The following AMOT variants were observed in gnomAD, a reference collection of about 807,000 sequenced individuals.
AMOT encodes the protein angiomotin.
AMOT carries 11 observed loss-of-function variants against 67.0 expected under a neutral mutation model. The ratio of observed to expected loss-of-function variants is 0.16; its 90% confidence interval spans 0.10 to 0.27. The LOEUF is 0.27. Ranked by LOEUF, AMOT falls within the 10% of genes least tolerant of loss-of-function variation. The pLI is 1.00. For synonymous variants in AMOT, 326 were observed against 321.4 expected, an observed-to-expected ratio of 1.01 and a Z score of -0.15; for missense variants, 753 against 852.0, an observed-to-expected ratio of 0.88 and a Z score of 1.45.
intron 2 of AMOT, among the ~76,000 whole-genome samples, chrX:112,828,818 C>A (rs1433920811): frequency 8.9e-6 from 1 of 112,300 alleles, no homozygotes; most frequent in African/African-American, 3.2e-5. Context: ...TGCTTAATAA[C>A]TATTTATTAC....
At position 112,776,810 on chromosome X, in the gene AMOT, C is replaced by A. The variant is rs1932950917; in HGVS notation, c.*1757G>T. ...AATTCAGTAGTTTGTCAAGACTGGA[C>A]AAGCTACTCCAACCAGGTACATTTT... is the stretch of plus-strand genomic sequence containing the variant. On this transcript the variant is annotated 3_prime_UTR_variant, in exon 14 of 14. Transcript: ENST00000371959. The A allele has an allele frequency of 8.9e-6, 1 of 112,020 alleles. No homozygotes were observed. The highest frequency in any genetic ancestry group is 3.3e-5 in the African/African-American group (1 of 30,711). 9.2% of individuals were successfully genotyped at this position (112,020 alleles called of 1,213,427 possible).
At chrX:112,834,640 C>A (rs1169717670) in intron 1 of AMOT, among the ~76,000 whole-genome samples, 1 of 112,636 alleles carries the variant, frequency 8.9e-6, no homozygotes, top group Non-Finnish European at 1.9e-5. Context: ...TTAATAAAAT[C>A]CAGCTGTGTA....
chrX:112,832,060 G>A (rs909063524), intron 2 of AMOT, among the ~76,000 whole-genome samples: 2 of 111,248 alleles, frequency 1.8e-5, no homozygotes, highest in African/African-American at 3.3e-5. Context: ...TACGGGTTGA[G>A]CCAGAAATGG....
intron 6 of AMOT, among the ~76,000 whole-genome samples, chrX:112,810,197 C>T (rs1376724766): frequency 1.8e-5 from 2 of 111,555 alleles, no homozygotes; most frequent in Non-Finnish European, 3.8e-5. Context: ...GCTTTCACTC[C>T]TCACTGCCAA....
At chrX:112,783,172 G>A (rs1482648345) in intron 10 of AMOT, among the ~76,000 whole-genome samples, 4 of 109,175 alleles carry the variant, frequency 3.7e-5, no homozygotes, top group Non-Finnish European at 7.6e-5. Context: ...GTGCACGCCT[G>A]TAATCCCCGC....
intron 4 of AMOT, among the ~76,000 whole-genome samples, chrX:112,817,267 C>T (rs1186095195): frequency 8.9e-6 from 1 of 112,138 alleles, no homozygotes. Context: ...TGCAAAAATA[C>T]TGGGGTCTTC....
chrX:112,840,698 TAAGAG>T lies in AMOT; in HGVS notation c.-540_-536del, dbSNP rs1282856553. 2 of 112,857 alleles carry T rather than the reference TAAGAG, an allele frequency of 1.8e-5. No homozygotes were observed. Among genetic ancestry groups the T allele is most frequent in the East Asian group, 2.8e-4 (1 of 3,576 alleles). The allele number at this position is 112,857 out of a possible 1,213,427, so 9.3% of individuals were successfully genotyped here. On this transcript the variant is annotated 5_prime_UTR_variant, in exon 1 of 14. Transcript: ENST00000371959. ...TAGTTGAGGGGGAGGCGGAGAGAAC[TAAGAG>T]AAGAGGAGGCGAAAGAGAGCGGAGA...
intron 10 of AMOT, among the ~76,000 whole-genome samples, chrX:112,788,366 T>C (rs1933451748): frequency 9.1e-6 from 1 of 110,317 alleles, no homozygotes; most frequent in Non-Finnish European, 1.9e-5. Context: ...AGCAGAACCT[T>C]GGTCAATAGC....
intron 8 of AMOT, among the ~76,000 whole-genome samples, chrX:112,794,063 G>C (rs1933710373): frequency 8.9e-6 from 1 of 112,117 alleles, no homozygotes; most frequent in African/African-American, 3.2e-5. Flanking sequence ...CAGAGAATGT[G>C]AACTATAATT....
Position 112,790,769 on chromosome X carries a change from C to A in AMOT, c.1940G>T (p.Cys647Phe). 1 of 1,187,695 alleles carries A rather than the reference C, an allele frequency of 8.4e-7. No individual in the cohort carries two copies. Among genetic ancestry groups the A allele is most frequent in the Non-Finnish European group, 1.1e-6 (1 of 883,348 alleles). The change falls in exon 10 of 14, where the codon TGT becomes TTT. Residue 647 changes from cysteine (C) to phenylalanine (F), a missense_variant. Physicochemically the swap from Cys to Phe is radical, Grantham distance 205 (BLOSUM62 -2). Transcript: ENST00000371959. ...GTATTCTGAAACGTTGGTGGGCTGA[C>A]AGTTGCCCTGACGCTGTTGGGGCAG... ...SLRIQQRQGN[C>F]QPTNVSEYNA...
chrX:112,795,248 C>CTGTG lies in AMOT; in HGVS notation c.1777-3271_1777-3268dup, dbSNP rs575390682. On this transcript the variant is annotated intron_variant, in intron 8 of 13. Coordinates refer to ENST00000371959, the MANE Select transcript of AMOT (RefSeq NM_001113490.2). ...CTTCCCTCTTTCTCTGTCTCTCTCT[C>CTGTG]TGTGTGTGTGTGTGTGTGTGTGTGT... is the stretch of plus-strand genomic sequence containing the variant. Among the ~76,000 whole-genome samples, 472 of 104,205 alleles carry CTGTG rather than the reference C, an allele frequency of 4.5e-3. 3 individuals are homozygous for CTGTG. The highest frequency in any genetic ancestry group is 0.015 in the African/African-American group (427 of 28,289). 90.5% of individuals were successfully genotyped at this position (104,205 alleles called of 115,157 possible). A position where few individuals can be genotyped will look rare whatever the true frequency, so the allele number is the denominator to read the frequency against.
In AMOT at chrX:112,779,333, G is replaced by C; in HGVS notation, c.2821C>G (p.Pro941Ala). 1.2e-6 allele frequency: 1 copy of C among 806,959 alleles called. No individual in the cohort carries two copies. The highest frequency in any genetic ancestry group is 3.4e-5 in the East Asian group (1 of 29,202). The allele number at this position is 806,959 out of a possible 1,213,427, so 66.5% of individuals were successfully genotyped here. ...TAAATAAAVS[P>A]AAAGQIPAAA... is the part of the protein sequence containing the mutation. ...GCTGGAATCTGACCAGCAGCAGCTG[G>C]AGAAACAGCAGCAGCAGTAGCAGCG... The change falls in exon 13 of 14, where the codon CCA becomes GCA. Residue 941 changes from proline to alanine, a missense_variant. Physicochemically the swap from Pro to Ala is conservative, Grantham distance 27. Transcript: ENST00000371959.
At chrX:112,800,523 C>G (rs928929324) in intron 8 of AMOT, among the ~76,000 whole-genome samples, 11 of 112,037 alleles carry the variant, frequency 9.8e-5, no homozygotes, top group Non-Finnish European at 2.1e-4. Flanking sequence ...TTTACCTTCA[C>G]CAATGAAATC....
At position 112,777,893 on chromosome X, in the gene AMOT, T is replaced by C. The variant is rs1932978678; in HGVS notation, c.*674A>G. 8.9e-6 allele frequency: 1 copy of C among 112,158 alleles called. No individual in the cohort carries two copies. The highest frequency in any genetic ancestry group is 2.8e-4 in the East Asian group (1 of 3,585). The allele number at this position is 112,158 out of a possible 1,213,427, so 9.2% of individuals were successfully genotyped here. A position where few individuals can be genotyped will look rare whatever the true frequency, so the allele number is the denominator to read the frequency against. On this transcript the variant is annotated 3_prime_UTR_variant, in exon 14 of 14. Coordinates refer to ENST00000371959, the MANE Select transcript of AMOT (RefSeq NM_001113490.2). ...CATAAATTACTCCAGAGCATATATATGAATGTATGAACCTCCAGGAGGGAA... is the reference window on the plus strand; with the variant it reads ...CATAAATTACTCCAGAGCATATATACGAATGTATGAACCTCCAGGAGGGAA...
Position 112,790,575 on chromosome X carries a change from A to G in AMOT, c.2117+17T>C. ...TTTCTGTTCTTCCCACTCATGCCCT[A>G]CCAGCTACCTACTTACCTCTGAGCA... On this transcript the variant is annotated intron_variant, in intron 10 of 13. Transcript: ENST00000371959. 1.7e-6 allele frequency: 2 copies of G among 1,174,136 alleles called. No homozygotes were observed. Among genetic ancestry groups the G allele is most frequent in the Non-Finnish European group, 1.1e-6 (1 of 875,301 alleles).
intron 10 of AMOT, among the ~76,000 whole-genome samples, chrX:112,785,718 A>G (rs1933344675): frequency 8.9e-6 from 1 of 112,312 alleles, no homozygotes; most frequent in South Asian, 3.7e-4. Context: ...CAGACCAGTC[A>G]GCAAGGTGAT....
intron 3 of AMOT, among the ~76,000 whole-genome samples, chrX:112,823,971 A>C (rs1042982829): frequency 3.6e-5 from 4 of 111,923 alleles, no homozygotes; most frequent in Non-Finnish European, 7.5e-5. Context: ...TTAGAAATTG[A>C]AAAATATAAA....
chrX:112,824,189 T>G (rs1317691713), intron 3 of AMOT, among the ~76,000 whole-genome samples: 2 of 112,245 alleles, frequency 1.8e-5, no homozygotes, highest in Non-Finnish European at 3.8e-5. Flanking sequence ...TGGTAGGTGA[T>G]TTCTCTCTCT....
intron 9 of AMOT, 36 bp downstream of exon 9, chrX:112,791,796 C>CT (rs745947451): frequency 3.7e-5 from 44 of 1,194,913 alleles, no homozygotes; most frequent in Middle Eastern, 4.6e-4. Context: ...CATTTTCTTA[C>CT]TTTTTTTTCC....
Sources: gnomAD v4.1 joint callset for allele counts (sites outside exome capture counted in the v4.1 genomes callset) on GRCh38, gnomAD v4.1.1 for gene constraint, MANE v1.5 for transcripts, NCBI Gene and HGNC (gene_info 2026-07-23, HGNC 2026-07-21) for gene names.